The following KCNMA1 variants were observed in gnomAD, a reference collection of about 807,000 sequenced individuals.
The protein encoded by KCNMA1 is Calcium-activated potassium channel subunit alpha-1.
A neutral mutation model predicts 140.0 loss-of-function variants in KCNMA1; 29 were observed. The observed-to-expected ratio is 0.21, with a 90% CI of 0.15 to 0.28. The LOEUF (loss-of-function observed/expected upper bound fraction) is 0.28. KCNMA1 is among the 10% of genes least tolerant of loss of function. The pLI is 1.00. For synonymous variants in KCNMA1, 612 were observed against 611.9 expected (o/e 1.00, Z 0.00); for missense variants, 880 against 1,602.2 (o/e 0.55, Z 7.70).
chr10:77,269,831 G>A (rs1188425440), intron 2 of KCNMA1, among the ~76,000 whole-genome samples: 1 of 152,132 alleles, frequency 6.6e-6, no homozygotes. Context: ...CAGTTATGGA[G>A]GAGCCCCATC....
chr10:77,191,586 A>G (rs559156435), intron 3 of KCNMA1, among the ~76,000 whole-genome samples: 1 of 152,252 alleles, frequency 6.6e-6, no homozygotes, highest in East Asian at 1.9e-4. Context: ...AGTTTTACCA[A>G]ACAGAATAAA....
chr10:77,594,964 C>A (rs905830649), intron 1 of KCNMA1, among the ~76,000 whole-genome samples: 1 of 152,218 alleles, frequency 6.6e-6, no homozygotes, highest in African/African-American at 2.4e-5. Flanking sequence ...GCTACAGCAG[C>A]TAGGCCACCT....
intron 9 of KCNMA1, among the ~76,000 whole-genome samples, chr10:77,103,226 G>C (rs74140286): frequency 0.011 from 1,647 of 152,284 alleles, 19 homozygotes; most frequent in African/African-American, 0.037. Context: ...ATGACAAACT[G>C]TCCCCATCTC....
At chr10:77,447,901 C>T (rs578247363) in intron 1 of KCNMA1, among the ~76,000 whole-genome samples, 12 of 152,282 alleles carry the variant, frequency 7.9e-5, no homozygotes, top group South Asian at 6.2e-4. Context: ...TAATTAGAGA[C>T]GCAGTTAAAA....
At chr10:77,493,025 G>A (rs1198523917) in intron 1 of KCNMA1, among the ~76,000 whole-genome samples, 2 of 152,226 alleles carry the variant, frequency 1.3e-5, no homozygotes, top group East Asian at 3.8e-4. Context: ...CTGAACACAA[G>A]TCTAAGTTTA....
chr10:77,454,328 G>T (rs1220490957), intron 1 of KCNMA1, among the ~76,000 whole-genome samples: 1 of 152,104 alleles, frequency 6.6e-6, no homozygotes, highest in African/African-American at 2.4e-5. Flanking sequence ...CTGTGCAAGA[G>T]ATTTTCTCTT....
intron 1 of KCNMA1, among the ~76,000 whole-genome samples, chr10:77,441,112 C>T (rs1035282411): frequency 1.3e-5 from 2 of 152,086 alleles, no homozygotes; most frequent in African/African-American, 2.4e-5. Flanking sequence ...CGTGAGCCAC[C>T]GCGCCCGGCC....
chr10:77,052,278 GGCCAGTAAGTTAACTCTGGGTAGATAT>G (rs2095396775), intron 14 of KCNMA1, among the ~76,000 whole-genome samples: 1 of 152,088 alleles, frequency 6.6e-6, no homozygotes, highest in African/African-American at 2.4e-5. Context: ...CTTTCCTAAC[GGCCAGTAAGTTAACTCTGGGTAGATAT>G]GATGATAAGG....
chr10:77,576,101 A>C (rs2073988636), intron 1 of KCNMA1, among the ~76,000 whole-genome samples: 1 of 152,158 alleles, frequency 6.6e-6, no homozygotes, highest in Admixed American at 6.5e-5. Context: ...GCACATCCGG[A>C]CGCATCTAGA....
At chr10:76,950,905 T>C (rs1247131468) in intron 21 of KCNMA1, among the ~76,000 whole-genome samples, 1 of 152,114 alleles carries the variant, frequency 6.6e-6, no homozygotes, top group Non-Finnish European at 1.5e-5. Context: ...ACTGGGGAGC[T>C]CACATCACAT....
At chr10:77,340,127 G>A (rs2090448766) in intron 2 of KCNMA1, among the ~76,000 whole-genome samples, 1 of 152,100 alleles carries the variant, frequency 6.6e-6, no homozygotes, top group African/African-American at 2.4e-5. Context: ...ATCATCACTG[G>A]CCATCAGAGA....
At chr10:76,994,966 G>T (rs2083781138) in intron 19 of KCNMA1, among the ~76,000 whole-genome samples, 1 of 152,154 alleles carries the variant, frequency 6.6e-6, no homozygotes, top group African/African-American at 2.4e-5. Flanking sequence ...AGGAAGGCAG[G>T]ATGCAGTGAA....
At chr10:77,551,606 T>G (rs2062863126) in intron 1 of KCNMA1, among the ~76,000 whole-genome samples, 1 of 152,208 alleles carries the variant, frequency 6.6e-6, no homozygotes, top group African/African-American at 2.4e-5. Flanking sequence ...GCCTAGGGCC[T>G]GGAAAAACAC....
At chr10:77,033,473 C>A (rs2094097501) in intron 15 of KCNMA1, among the ~76,000 whole-genome samples, 1 of 152,108 alleles carries the variant, frequency 6.6e-6, no homozygotes, top group South Asian at 2.1e-4. Flanking sequence ...CACACTCACA[C>A]ACACACAATC....
At chr10:77,543,763 G>T (rs1191560386) in intron 1 of KCNMA1, among the ~76,000 whole-genome samples, 1 of 152,118 alleles carries the variant, frequency 6.6e-6, no homozygotes, top group Non-Finnish European at 1.5e-5. Flanking sequence ...TCAGGGACTT[G>T]TTAGATATTA....
At position 77,460,531 on chromosome 10, in the gene KCNMA1, G is replaced by GCACACA. The variant is rs59284219; in HGVS notation, c.379-56514_379-56509dup. Reference sequence around the variant, plus strand: ...GATAAAGAAAATGTGGTACACACGTGCACACACACACACACACACACACAC... The same window carrying GCACACA: ...GATAAAGAAAATGTGGTACACACGTGCACACACACACACACACACACACACACACAC... On this transcript the variant is annotated intron_variant, in intron 1 of 27. Transcript: ENST00000286628. 1.6e-3 allele frequency among the ~76,000 whole-genome samples: 232 copies of GCACACA among 147,918 alleles called. 1 individual carries two copies. Among genetic ancestry groups the GCACACA allele is most frequent in the African/African-American group, 5.3e-3 (214 of 40,540 alleles).
chr10:77,164,015 C>T (rs558828), intron 5 of KCNMA1, among the ~76,000 whole-genome samples: 1 of 152,170 alleles, frequency 6.6e-6, no homozygotes, highest in African/African-American at 2.4e-5. Context: ...CCCCAGGCCC[C>T]AGTTTTCTCA....
At chr10:77,392,954 C>T (rs1485789382) in intron 2 of KCNMA1, among the ~76,000 whole-genome samples, 1 of 152,224 alleles carries the variant, frequency 6.6e-6, no homozygotes, top group Admixed American at 6.5e-5. Context: ...CCTGCCAAGG[C>T]ATTTCCTGTG....
At chr10:77,525,087 G>A (rs549294533) in intron 1 of KCNMA1, among the ~76,000 whole-genome samples, 58 of 152,260 alleles carry the variant, frequency 3.8e-4, no homozygotes, top group African/African-American at 1.3e-3. Context: ...TTATCTGGAC[G>A]ATATCTACCA....
Sources: gnomAD v4.1 joint callset for allele counts (sites outside exome capture counted in the v4.1 genomes callset) on GRCh38, gnomAD v4.1.1 for gene constraint, MANE v1.5 for transcripts, NCBI Gene and HGNC (gene_info 2026-07-23, HGNC 2026-07-21) for gene names.